NAV2: variants seen among roughly 807,000 people sequenced by gnomAD.
NAV2 encodes the protein neuron navigator 2.
Under a neutral mutation model 223.2 loss-of-function variants are expected in NAV2, and 54 were observed. The ratio of observed to expected loss-of-function variants is 0.24; its 90% confidence interval spans 0.19 to 0.30. The LOEUF (loss-of-function observed/expected upper bound fraction) is 0.30. Among genes scored for constraint, NAV2 ranks in the 10% least tolerant of loss-of-function variants. The pLI, the probability that NAV2 is intolerant of heterozygous loss-of-function variation, is 1.00. For missense variants in NAV2, 2,806 were observed against 3,147.5 expected, an observed-to-expected ratio of 0.89 and a Z score of 2.60; for synonymous variants, 1,279 against 1,239.3, an observed-to-expected ratio of 1.03 and a Z score of -0.67.
At chr11:19,912,054 AC>A (rs2043357879) in intron 6 of NAV2, among the ~76,000 whole-genome samples, 1 of 152,196 alleles carries the variant, frequency 6.6e-6, no homozygotes, top group African/African-American at 2.4e-5. Flanking sequence ...TTGAATTTCT[AC>A]TAGGTTACAT....
At chr11:19,490,372 A>G (rs1301142157) in intron 1 of NAV2, among the ~76,000 whole-genome samples, 2 of 152,200 alleles carry the variant, frequency 1.3e-5, no homozygotes, top group Non-Finnish European at 2.9e-5. Flanking sequence ...ATTATTTCAC[A>G]TTGGACTCAG....
chr11:19,892,346 T>A, intron 5 of NAV2, 88 bp from the exon 6 acceptor site: 1 of 1,297,930 alleles, frequency 7.7e-7, no homozygotes, highest in Non-Finnish European at 1.1e-6. Flanking sequence ...TAGTTTCTTT[T>A]GCCTCCTGCA....
intron 1 of NAV2, among the ~76,000 whole-genome samples, chr11:19,393,944 G>A (rs1168214834): frequency 8.0e-6 from 1 of 125,262 alleles, no homozygotes; most frequent in African/African-American, 3.0e-5. Flanking sequence ...TTCTAAAAGT[G>A]TGAAACTCAT....
intron 1 of NAV2, among the ~76,000 whole-genome samples, chr11:19,378,799 G>A (rs1848731921): frequency 6.6e-6 from 1 of 152,136 alleles, no homozygotes; most frequent in South Asian, 2.1e-4. Flanking sequence ...AGCAGCTTCT[G>A]AGGATCCGTT....
At chr11:19,662,820 T>G (rs2048322200) in intron 1 of NAV2, among the ~76,000 whole-genome samples, 1 of 152,258 alleles carries the variant, frequency 6.6e-6, no homozygotes, top group South Asian at 2.1e-4. Context: ...CTACTTTTCC[T>G]GGGCTGCACG....
rs79890188 is a variant in NAV2 at position 19,573,183 on chromosome 11, A to C, written c.75+222156A>C. ...AGACATCTGTGTGGCTACCTTCATCACTTCCTGCACTTCTTTTCCCAGAAG... is the reference window on the plus strand; with the variant it reads ...AGACATCTGTGTGGCTACCTTCATCCCTTCCTGCACTTCTTTTCCCAGAAG... On this transcript the variant is annotated intron_variant, in intron 1 of 37. Transcript: ENST00000360655. 6.0e-4 allele frequency among the ~76,000 whole-genome samples: 91 copies of C among 151,756 alleles called. 2 individuals are homozygous for C. In the East Asian group the frequency reaches 0.016, roughly 27 times the overall value.
intron 1 of NAV2, among the ~76,000 whole-genome samples, chr11:19,566,616 G>C (rs2045276485): frequency 6.6e-6 from 1 of 152,220 alleles, no homozygotes; most frequent in Admixed American, 6.5e-5. Flanking sequence ...GGAGCTGCTT[G>C]TGGATTCAGA....
intron 1 of NAV2, among the ~76,000 whole-genome samples, chr11:19,539,569 T>C (rs1590453103): frequency 6.6e-6 from 1 of 152,236 alleles, no homozygotes; most frequent in South Asian, 2.1e-4. Context: ...TGGTAAGTTT[T>C]AGAGAGTCGT....
chr11:19,651,907 T>TG (rs1370853241), intron 1 of NAV2, among the ~76,000 whole-genome samples: 3 of 152,096 alleles, frequency 2.0e-5, no homozygotes, highest in African/African-American at 7.2e-5. Context: ...TCTGGCAGGA[T>TG]GAGTCATAAA....
intron 20 of NAV2, among the ~76,000 whole-genome samples, chr11:20,064,213 T>G (rs2058891943): frequency 6.6e-6 from 1 of 152,210 alleles, no homozygotes; most frequent in African/African-American, 2.4e-5. Flanking sequence ...CTGTGGGATA[T>G]GGGTACCAAG....
intron 1 of NAV2, among the ~76,000 whole-genome samples, chr11:19,394,239 G>C (rs1849361269): frequency 6.6e-6 from 1 of 152,092 alleles, no homozygotes; most frequent in Non-Finnish European, 1.5e-5. Flanking sequence ...GGATAACTTT[G>C]GGTCCTGGGA....
rs745623183 is a variant in NAV2 at position 20,114,733 on chromosome 11, A to C, written c.7102A>C (p.Met2368Leu). The C allele has an allele frequency of 6.2e-7, 1 of 1,614,056 alleles. No individual in the cohort carries two copies. Among genetic ancestry groups the C allele is most frequent in the Non-Finnish European group, 8.5e-7 (1 of 1,180,002 alleles). Residue 2368 changes from methionine to leucine, a missense_variant, in exon 37 of 38, where the codon ATG becomes CTG. This residue lies in a region of NAV2 where 824 missense variants were observed against 1,069.4 expected (regional missense o/e 0.77). Transcript: ENST00000349880. ...GGATGTCGGCTTCGACGGCTACTCC[A>C]TGCCTCGGGAGGGATCGACAAGCAA... ...PEDVGFDGYS[M>L]PREGSTSKQM... is the part of the protein sequence containing the mutation.
chr11:19,686,848 A>G (rs139499130), intron 1 of NAV2, among the ~76,000 whole-genome samples: 3 of 152,228 alleles, frequency 2.0e-5, no homozygotes, highest in African/African-American at 7.2e-5. Flanking sequence ...TTAGTCTTTA[A>G]TGGATACTTC....
At chr11:19,745,926 C>T (rs569217473) in intron 1 of NAV2, among the ~76,000 whole-genome samples, 1 of 152,304 alleles carries the variant, frequency 6.6e-6, no homozygotes, top group South Asian at 2.1e-4. Context: ...TGACATAAAG[C>T]ACTGGGCAAC....
chr11:19,675,404 G>A (rs549637077), intron 1 of NAV2, among the ~76,000 whole-genome samples: 5 of 152,078 alleles, frequency 3.3e-5, no homozygotes, highest in African/African-American at 1.2e-4. Flanking sequence ...ACACATACAC[G>A]CATGCTCACA....
intron 1 of NAV2, among the ~76,000 whole-genome samples, chr11:19,702,991 C>T (rs2049553576): frequency 6.6e-6 from 1 of 151,230 alleles, no homozygotes; most frequent in African/African-American, 2.4e-5. Context: ...GAAAGAACTG[C>T]TGTTAACAAT....
chr11:20,045,705 A>C, intron 14 of NAV2, 35 bp downstream of exon 14: 1 of 1,512,752 alleles, frequency 6.6e-7, no homozygotes, highest in Non-Finnish European at 9.1e-7. Flanking sequence ...GAGCAGAACC[A>C]GAATACAGGG....
intron 1 of NAV2, among the ~76,000 whole-genome samples, chr11:19,446,147 A>G (rs1414758241): frequency 1.3e-5 from 2 of 152,164 alleles, no homozygotes; most frequent in African/African-American, 2.4e-5. Flanking sequence ...CAACGATTTG[A>G]TTATCTAGCT....
At chr11:19,777,777 C>T in intron 1 of NAV2, 1 of 440,644 alleles carries the variant, frequency 2.3e-6, no homozygotes, top group South Asian at 1.6e-5. Context: ...TCTCTCCGTC[C>T]CTTCCACCTA....
Sources: allele counts gnomAD v4.1 joint callset (sites outside exome capture counted in the v4.1 genomes callset), GRCh38; gene constraint gnomAD v4.1.1; regional missense constraint gnomAD v4.1.1; transcripts MANE v1.5; gene names NCBI Gene and HGNC (gene_info 2026-07-23, HGNC 2026-07-21).